NEURL1B: variants seen among roughly 807,000 people sequenced by gnomAD.
The protein encoded by NEURL1B is E3 ubiquitin-protein ligase NEURL1B.
A neutral mutation model predicts 37.4 loss-of-function variants in NEURL1B; 13 were observed. The observed-to-expected ratio is 0.35, with a 90% CI of 0.23 to 0.55. The LOEUF (loss-of-function observed/expected upper bound fraction) is 0.55. Ranked by LOEUF, NEURL1B falls within the 20% of genes least tolerant of loss-of-function variation. The pLI is 0.89. For synonymous variants in NEURL1B, 432 were observed against 426.6 expected (o/e 1.01, Z -0.16); for missense variants, 790 against 879.2 (o/e 0.90, Z 1.28).
At chr5:172,684,438 C>T (rs974175570) in intron 3 of NEURL1B, among the ~76,000 whole-genome samples, 4 of 152,110 alleles carry the variant, frequency 2.6e-5, no homozygotes, top group Non-Finnish European at 2.9e-5. Context: ...AACCACCGAC[C>T]TAGATAGGTA....
intron 3 of NEURL1B, among the ~76,000 whole-genome samples, chr5:172,685,380 C>A (rs1758473129): frequency 6.6e-6 from 1 of 152,164 alleles, no homozygotes; most frequent in South Asian, 2.1e-4. Flanking sequence ...ACATAGTCAT[C>A]ATTTCAGCCC....
chr5:172,655,362 T>C (rs1757752473), intron 1 of NEURL1B, among the ~76,000 whole-genome samples: 1 of 152,174 alleles, frequency 6.6e-6, no homozygotes, highest in African/African-American at 2.4e-5. Context: ...TTTCCCCCTC[T>C]GAAGGTCCTT....
At position 172,642,865 on chromosome 5, in the gene NEURL1B, C is replaced by G. The variant is rs143177159; in HGVS notation, c.31+1428C>G. Reference sequence around the variant, plus strand: ...TTGCCAGGTTGGGGGAGAACCCACCCGCGGGTCAGGAGATATCTGGGGATG... The same window carrying G: ...TTGCCAGGTTGGGGGAGAACCCACCGGCGGGTCAGGAGATATCTGGGGATG... On this transcript the variant is annotated intron_variant, in intron 1 of 4. Transcript: ENST00000369800. Among the ~76,000 whole-genome samples, 1,110 of 152,338 alleles carry G rather than the reference C, an allele frequency of 7.3e-3. 10 individuals are homozygous for G. Among genetic ancestry groups the G allele is most frequent in the Non-Finnish European group, 0.013 (874 of 68,024 alleles).
chr5:172,660,482 T>A (rs1033452130), intron 1 of NEURL1B, among the ~76,000 whole-genome samples: 2 of 151,844 alleles, frequency 1.3e-5, no homozygotes, highest in Non-Finnish European at 2.9e-5. Flanking sequence ...GGGAGCAGAG[T>A]GGCAGTTACC....
chr5:172,667,692 C>T (rs1277189194), intron 1 of NEURL1B, among the ~76,000 whole-genome samples: 5 of 152,152 alleles, frequency 3.3e-5, no homozygotes, highest in African/African-American at 7.2e-5. Flanking sequence ...AGTAGCTTTG[C>T]TGGCCCCAGC....
rs143625112 is a variant in NEURL1B, at chr5:172,668,332, C to T, written c.32-1453C>T. Among the ~76,000 whole-genome samples the T allele has an allele frequency of 2.6e-5, 4 of 152,258 alleles. No homozygotes were observed. The East Asian group carries it at 7.7e-4, about 29-fold the overall frequency. The stretch of plus-strand genomic sequence containing the variant: ...CTTATGTTCCTTTCTAATGTGGAAC[C>T]TTGGCTTTTTTATTCCTTATATTTT... On this transcript the variant is annotated intron_variant, in intron 1 of 4. Coordinates refer to ENST00000369800, the MANE Select transcript of NEURL1B (RefSeq NM_001142651.3).
chr5:172,645,547 C>T (rs898913477), intron 1 of NEURL1B, among the ~76,000 whole-genome samples: 6 of 152,194 alleles, frequency 3.9e-5, no homozygotes, highest in Non-Finnish European at 8.8e-5. Context: ...CACCCTCCTT[C>T]CAGCCATGGC....
Position 172,661,289 on chromosome 5 carries a change from G to C in NEURL1B, c.32-8496G>C, listed in dbSNP as rs1196095893. 2.6e-5 allele frequency among the ~76,000 whole-genome samples: 4 copies of C among 152,086 alleles called. No homozygotes were observed. The highest frequency in any genetic ancestry group is 4.4e-5 in the Non-Finnish European group (3 of 68,036). ...GTGCATGGAGTCTGGGTATGTTTCT[G>C]GGGGGAAACCCTGAAGTTGAATATC... On this transcript the variant is annotated intron_variant, in intron 1 of 4. Transcript: ENST00000369800. This position sits in a 1 kb window ranked among gnomAD's most constrained non-coding sequence, Gnocchi z 4.0.
At chr5:172,666,276 G>C (rs1758013128) in intron 1 of NEURL1B, among the ~76,000 whole-genome samples, 1 of 152,160 alleles carries the variant, frequency 6.6e-6, no homozygotes, top group South Asian at 2.1e-4. Context: ...TAAACCAGCT[G>C]TGTGACTTTG....
intron 1 of NEURL1B, among the ~76,000 whole-genome samples, chr5:172,668,691 T>C (rs1758060809): frequency 6.6e-6 from 1 of 152,164 alleles, no homozygotes; most frequent in South Asian, 2.1e-4. Context: ...GAATTTGCCA[T>C]GAAAATTGTA....
At chr5:172,684,229 C>CTTCCCCGGCCCCGCCCCTT in intron 3 of NEURL1B, 91 bp downstream of exon 3, 2 of 1,070,842 alleles carry the variant, frequency 1.9e-6, no homozygotes, top group Non-Finnish European at 1.2e-6. Flanking sequence ...CCCCGCCCCT[C>CTTCCCCGGCCCCGCCCCTT]TCGCTAGGCG....
chr5:172,679,237 C>T (rs1266159217), intron 2 of NEURL1B, among the ~76,000 whole-genome samples: 1 of 152,236 alleles, frequency 6.6e-6, no homozygotes, highest in Non-Finnish European at 1.5e-5. Flanking sequence ...CTGTCACCCC[C>T]AGGCTATGTG....
chr5:172,683,621 G>T lies in NEURL1B; in HGVS notation c.780G>T (p.Pro260=). 2 of 1,252,104 alleles carry T rather than the reference G, an allele frequency of 1.6e-6. No homozygotes were observed. Among genetic ancestry groups the T allele is most frequent in the Non-Finnish European group, 2.0e-6 (2 of 995,282 alleles). The allele number at this position is 1,252,104 out of a possible 1,614,324, so 77.6% of individuals were successfully genotyped here. A position where few individuals can be genotyped will look rare whatever the true frequency, so the allele number is the denominator to read the frequency against. The change falls in exon 3 of 5, where the codon CCG becomes CCT. Residue 260 remains proline, a synonymous_variant. Coordinates refer to ENST00000369800, the MANE Select transcript of NEURL1B (RefSeq NM_001142651.3). The surrounding 1 kb of genome is among the most constrained non-coding windows in gnomAD (Gnocchi z 5.6). ...PPADAAAAAI[P]CGPRERPRPA... ...CCGACGCCGCGGCCGCCGCCATTCC[G>T]TGCGGGCCCCGTGAGCGCCCGCGGC...
At chr5:172,659,299 C>T (rs1258993436) in intron 1 of NEURL1B, among the ~76,000 whole-genome samples, 1 of 152,128 alleles carries the variant, frequency 6.6e-6, no homozygotes, top group Non-Finnish European at 1.5e-5. Flanking sequence ...GACCTTCAGG[C>T]CCCGCAGGTG....
At chr5:172,655,006 CT>C (rs200721853) in intron 1 of NEURL1B, among the ~76,000 whole-genome samples, 1,658 of 152,176 alleles carry the variant, frequency 0.011, 30 homozygotes, top group African/African-American at 0.037. Flanking sequence ...TCTTTCCCCT[CT>C]CTCTTTTTCT....
intron 2 of NEURL1B, among the ~76,000 whole-genome samples, chr5:172,670,898 C>A (rs1259424068): frequency 6.6e-6 from 1 of 152,142 alleles, no homozygotes; most frequent in Non-Finnish European, 1.5e-5. Context: ...GAACCCCGGC[C>A]CACATTAAGG....
At chr5:172,659,743 C>T (rs1280738002) in intron 1 of NEURL1B, among the ~76,000 whole-genome samples, 2 of 152,172 alleles carry the variant, frequency 1.3e-5, no homozygotes, top group African/African-American at 2.4e-5. Context: ...ACTCCACCCT[C>T]CCCTCTCCCT....
At chr5:172,659,915 C>T (rs943224317) in intron 1 of NEURL1B, among the ~76,000 whole-genome samples, 4 of 152,338 alleles carry the variant, frequency 2.6e-5, no homozygotes, top group East Asian at 1.9e-4. Context: ...GAGAAGCTGT[C>T]GCCACTGCCC....
In NEURL1B at chr5:172,647,645, C is replaced by T. The variant is rs1353046266; in HGVS notation, c.31+6208C>T. Reference sequence around the variant, plus strand: ...TTATTGCAGGTGCACTCCCTTTGCCCTCTGAAGATGAATTACTTCTGTCCA... The same window carrying T: ...TTATTGCAGGTGCACTCCCTTTGCCTTCTGAAGATGAATTACTTCTGTCCA... On this transcript the variant is annotated intron_variant, in intron 1 of 4. Coordinates refer to ENST00000369800, the MANE Select transcript of NEURL1B (RefSeq NM_001142651.3). The surrounding 1 kb of genome is among the most constrained non-coding windows in gnomAD (Gnocchi z 4.2). Among the ~76,000 whole-genome samples, 1 of 152,144 alleles carries T rather than the reference C, an allele frequency of 6.6e-6. No individual in the cohort carries two copies. Among genetic ancestry groups the T allele is most frequent in the African/African-American group, 2.4e-5 (1 of 41,402 alleles).
Sources: gnomAD v4.1 joint callset for allele counts (sites outside exome capture counted in the v4.1 genomes callset) on GRCh38, gnomAD v4.1.1 for gene constraint, Gnocchi (gnomAD v3.1) non-coding constraint, MANE v1.5 for transcripts, NCBI Gene and HGNC (gene_info 2026-07-23, HGNC 2026-07-21) for gene names.